The following FBXO33 variants were observed in gnomAD, a reference collection of about 807,000 sequenced individuals.
FBXO33 encodes F-box protein 33.
A neutral mutation model predicts 46.3 loss-of-function variants in FBXO33; 22 were observed. The ratio of observed to expected loss-of-function variants is 0.48; its 90% CI spans 0.34 to 0.68. The LOEUF is 0.68. Among genes scored for constraint, FBXO33 ranks in the 30% least tolerant of loss-of-function variants. FBXO33 has a pLI of 0.01. For missense variants in FBXO33, 692 were observed against 708.8 expected, an observed-to-expected ratio of 0.98 and a Z score of 0.27; for synonymous variants, 337 against 291.3, an observed-to-expected ratio of 1.16 and a Z score of -1.60.
At chr14:39,431,393 G>C (rs1044785637) in intron 1 of FBXO33, among the ~76,000 whole-genome samples, 171 bp downstream of exon 1, 16 of 152,132 alleles carry the variant, frequency 1.1e-4, no homozygotes, top group African/African-American at 3.9e-4. Context: ...GATGAGTCCC[G>C]TTATGCCTTT....
At position 39,401,552 on chromosome 14, in the gene FBXO33, C is replaced by G; in HGVS notation, c.1020G>C (p.Leu340=). 6.2e-7 allele frequency: 1 copy of G among 1,614,154 alleles called. No homozygotes were observed. The highest frequency in any genetic ancestry group is 1.1e-5 in the South Asian group (1 of 91,064). ...NHVPLQRLSL[L]VHNVSVMHKS... is the part of the protein sequence containing the mutation. ...TGTGCATTACAGAAACATTGTGAAC[C>G]AGAAGAGACAGTCGTTGCAAAGGCA... Residue 340 remains leucine, a synonymous_variant, in exon 3 of 4, where the codon CTG becomes CTC. Transcript: ENST00000298097.
rs376863529 is a variant in FBXO33 at position 39,431,982 on chromosome 14, G to C, written c.181C>G (p.Leu61Val). The change falls in exon 1 of 4, where the codon CTG becomes GTG. Residue 61 changes from leucine to valine, a missense_variant. This residue lies in a region of FBXO33 where 412 missense variants were observed against 370.8 expected (regional missense o/e 1.11). Coordinates refer to ENST00000298097, the MANE Select transcript of FBXO33 (RefSeq NM_203301.4). ...GCAGCGCCCGCCGCCTGCCCGCACAGAGCCATCCGGCCCCGCCGCCGGCTG... is the reference window on the plus strand; with the variant it reads ...GCAGCGCCCGCCGCCTGCCCGCACACAGCCATCCGGCCCCGCCGCCGGCTG... ...AGSRRRGRMALCGQAAGAASL... is the reference protein window; with the variant it reads ...AGSRRRGRMAVCGQAAGAASL... 2.0e-6 allele frequency: 3 copies of C among 1,487,214 alleles called. No individual in the cohort carries two copies. Among genetic ancestry groups the C allele is most frequent in the East Asian group, 5.2e-5 (2 of 38,192 alleles). The allele number at this position is 1,487,214 out of a possible 1,614,324, so 92.1% of individuals were successfully genotyped here. A position where few individuals can be genotyped will look rare whatever the true frequency, so the allele number is the denominator to read the frequency against.
At chr14:39,411,409 C>T (rs2075421723) in intron 1 of FBXO33, among the ~76,000 whole-genome samples, 2 of 151,710 alleles carry the variant, frequency 1.3e-5, no homozygotes. Flanking sequence ...TCTTTCTTAA[C>T]ATAGGGCATT....
chr14:39,413,646 A>C (rs1450316361), intron 1 of FBXO33, among the ~76,000 whole-genome samples: 1 of 152,242 alleles, frequency 6.6e-6, no homozygotes, highest in Non-Finnish European at 1.5e-5. Context: ...AAGACTTGAA[A>C]GTCAAAATTA....
intron 1 of FBXO33, among the ~76,000 whole-genome samples, chr14:39,421,650 CA>C (rs1431012756): frequency 2.0e-5 from 3 of 152,012 alleles, no homozygotes; most frequent in African/African-American, 7.2e-5. Flanking sequence ...CAGACTAACC[CA>C]AATTTATATA....
At chr14:39,406,251 GA>G (rs1198333075) in intron 1 of FBXO33, among the ~76,000 whole-genome samples, 2 of 152,084 alleles carry the variant, frequency 1.3e-5, no homozygotes, top group African/African-American at 2.4e-5. Flanking sequence ...ATATAAAGTA[GA>G]AAAAATATGT....
At position 39,399,541 on chromosome 14, in the gene FBXO33, A is replaced by G. The variant is rs1486739704; in HGVS notation, c.1643T>C (p.Met548Thr). The G allele has an allele frequency of 2.5e-6, 4 of 1,612,246 alleles. No homozygotes were observed. The African/African-American group carries it at 4.0e-5, about 16-fold the overall frequency. The change falls in exon 4 of 4, where the codon ATG becomes ACG. Residue 548 changes from methionine (M) to threonine (T), a missense_variant. Met to Thr is a moderately conservative substitution (Grantham distance 81, BLOSUM62 -1). This residue lies in a region of FBXO33 where 94 missense variants were observed against 91.9 expected (regional missense o/e 1.02). Coordinates refer to ENST00000298097, the MANE Select transcript of FBXO33 (RefSeq NM_203301.4). ...TEPNRHFYRE[M>T]QSFSEDI The stretch of plus-strand genomic sequence containing the variant: ...CTAAATGTCTTCACTGAAGCTTTGC[A>G]TCTCTCTGTAAAAATGACGATTTGG...
At chr14:39,409,833 G>C in intron 1 of FBXO33, among the ~76,000 whole-genome samples, 1 of 152,050 alleles carries the variant, frequency 6.6e-6, no homozygotes, top group South Asian at 2.1e-4. Context: ...TACTGTCAAT[G>C]GGATTTTCTT....
intron 1 of FBXO33, 75 bp downstream of exon 1, chr14:39,431,488 CA>C (rs2075549622): frequency 3.1e-6 from 5 of 1,592,598 alleles, no homozygotes; most frequent in Non-Finnish European, 3.4e-6. Context: ...ACGTATTATG[CA>C]CAGAATCTGT....
chr14:39,420,635 A>G (rs1003414346), intron 1 of FBXO33, among the ~76,000 whole-genome samples: 10 of 152,166 alleles, frequency 6.6e-5, no homozygotes, highest in South Asian at 2.1e-4. Context: ...AGCTTGCAGT[A>G]GGCCGAGATT....
chr14:39,401,561 C>A lies in FBXO33; in HGVS notation c.1011G>T (p.Leu337=). 1 of 1,614,188 alleles carries A rather than the reference C, an allele frequency of 6.2e-7. No individual in the cohort carries two copies. ...TDSNHVPLQR[L]SLLVHNVSVM... is the part of the protein sequence containing the mutation. ...CAGAAACATTGTGAACCAGAAGAGA[C>A]AGTCGTTGCAAAGGCACATGGTTGC... The change falls in exon 3 of 4, where the codon CTG becomes CTT. Residue 337 remains leucine, a synonymous_variant. Transcript: ENST00000298097.
intron 1 of FBXO33, among the ~76,000 whole-genome samples, chr14:39,423,526 T>C (rs986324874): frequency 4.6e-5 from 7 of 151,640 alleles, no homozygotes; most frequent in African/African-American, 1.7e-4. Flanking sequence ...CTGGAAAAAA[T>C]TCAAATGTCC....
At chr14:39,407,549 T>G (rs764865853) in intron 1 of FBXO33, among the ~76,000 whole-genome samples, 56 of 152,378 alleles carry the variant, frequency 3.7e-4, no homozygotes, top group Non-Finnish European at 6.9e-4. Context: ...AGTCATGTAG[T>G]ATTTGTCCTT....
chr14:39,401,171 C>T lies in FBXO33; in HGVS notation c.1396+5G>A. On this transcript the variant is annotated splice_donor_5th_base_variant and intron_variant, in intron 3 of 3. Transcript: ENST00000298097. ...TATCAGATTACAATGAACAAGATCA[C>T]CTACCATGAATTGCCAGAAGAGAGA... 6.4e-7 allele frequency: 1 copy of T among 1,567,436 alleles called. No homozygotes were observed. Among genetic ancestry groups the T allele is most frequent in the Non-Finnish European group, 8.6e-7 (1 of 1,161,462 alleles).
In FBXO33 at chr14:39,401,709, T is replaced by C. The variant is rs1359351900; in HGVS notation, c.863A>G (p.Asn288Ser). The change falls in exon 3 of 4, where the codon AAT (asparagine) becomes AGT (serine). Residue 288 changes from asparagine to serine, a missense_variant. Around this residue, in one of 3 missense-constraint regions of FBXO33, gnomAD observed 186 missense variants for 246.1 expected, o/e 0.76. Transcript: ENST00000298097. ...AAGAGTGCTGTTACCAGGAATATTA[T>C]TGTCCAGTAAACTGAGGTGCTCCAT... ...NTMEHLSLLDNNIPGNSTLIT... is the reference protein window; with the variant it reads ...NTMEHLSLLDSNIPGNSTLIT... 5.0e-6 allele frequency: 8 copies of C among 1,614,224 alleles called. No individual in the cohort carries two copies. Among genetic ancestry groups the C allele is most frequent in the Admixed American group, 3.3e-5 (2 of 60,026 alleles).
chr14:39,401,834 C>G lies in FBXO33; in HGVS notation c.738G>C (p.Leu246=), dbSNP rs575056327. Residue 246 remains leucine, a synonymous_variant, in exon 3 of 4, where the codon CTG becomes CTC. Coordinates refer to ENST00000298097, the MANE Select transcript of FBXO33 (RefSeq NM_203301.4). ...KQIQQLFEEI[L]SNSRQLKWLS... The stretch of plus-strand genomic sequence containing the variant: ...GCCATTTCAGTTGCCTACTATTACT[C>G]AGGATTTCTTCAAACAGTTGCTGAA... The G allele has an allele frequency of 1.2e-6, 2 of 1,612,828 alleles. No individual in the cohort carries two copies. Among genetic ancestry groups the G allele is most frequent in the African/African-American group, 2.7e-5 (2 of 74,872 alleles).
Position 39,401,323 on chromosome 14 carries a change from G to T in FBXO33, c.1249C>A (p.Gln417Lys). ...SGAIVDLISR[Q>K]YDKFLTHFIL... ...AAATGAGTGAGGAACTTGTCATATT[G>T]CCTGGATATAAGATCAACAATAGCC... The change falls in exon 3 of 4, where the codon CAA (glutamine) becomes AAA (lysine). Residue 417 changes from glutamine (Q) to lysine (K), a missense_variant. Gln to Lys is a moderately conservative substitution (Grantham distance 53, BLOSUM62 1). This residue lies in a region of FBXO33 where 186 missense variants were observed against 246.1 expected (regional missense o/e 0.76). Coordinates refer to ENST00000298097, the MANE Select transcript of FBXO33 (RefSeq NM_203301.4). 1.9e-6 allele frequency: 3 copies of T among 1,614,076 alleles called. No homozygotes were observed. The highest frequency in any genetic ancestry group is 2.5e-6 in the Non-Finnish European group (3 of 1,179,994).
intron 1 of FBXO33, among the ~76,000 whole-genome samples, chr14:39,403,344 T>C (rs896025528): frequency 1.3e-5 from 2 of 152,160 alleles, no homozygotes; most frequent in African/African-American, 4.8e-5. Context: ...CCTGTGGTCC[T>C]GGCACTTTGG....
chr14:39,399,879 G>A, intron 3 of FBXO33, 92 bp from the exon 4 acceptor site: 1 of 1,347,680 alleles, frequency 7.4e-7, no homozygotes, highest in East Asian at 2.5e-5. Flanking sequence ...AGCTTCTAGA[G>A]AAGCTTCAAA....
Sources: allele counts gnomAD v4.1 joint callset (sites outside exome capture counted in the v4.1 genomes callset), GRCh38; gene constraint gnomAD v4.1.1; regional missense constraint gnomAD v4.1.1; transcripts MANE v1.5; gene names NCBI Gene and HGNC (gene_info 2026-07-23, HGNC 2026-07-21).